The following VPS13A variants were observed in gnomAD, a reference collection of about 807,000 sequenced individuals.
VPS13A encodes intermembrane lipid transfer protein VPS13A.
Under a neutral mutation model 390.9 loss-of-function variants are expected in VPS13A, and 264 were observed. The ratio of observed to expected loss-of-function variants is 0.68; its 90% CI spans 0.61 to 0.75. VPS13A has a LOEUF of 0.75. Among genes scored for constraint, VPS13A ranks in the 30% least tolerant of loss-of-function variants. The probability of loss-of-function intolerance (pLI) is 0.00; values close to 1 mark genes in which losing one functional copy is unlikely to be tolerated. For synonymous variants in VPS13A, 1,231 were observed against 1,227.1 expected (o/e 1.00, Z -0.07); for missense variants, 3,409 against 3,733.9 (o/e 0.91, Z 2.27).
At chr9:77,320,795 T>C (rs1353717904) in intron 42 of VPS13A, among the ~76,000 whole-genome samples, 1 of 152,088 alleles carries the variant, frequency 6.6e-6, no homozygotes, top group African/African-American at 2.4e-5. Flanking sequence ...AGTCTCTAGG[T>C]TTCTGTTCTT....
At position 77,337,252 on chromosome 9, in the gene VPS13A, CAGATCATTCATTTTTCTGAAGCCAGA is replaced by C. The variant is rs1174858706; in HGVS notation, c.6098_6123del (p.Ser2033Ter). 6.2e-7 allele frequency: 1 copy of C among 1,609,636 alleles called. No individual in the cohort carries two copies. Among genetic ancestry groups the C allele is most frequent in the Non-Finnish European group, 8.5e-7 (1 of 1,178,976 alleles). On this transcript the variant is annotated splice_acceptor_variant and coding_sequence_variant, in exon 47 of 72. Coordinates refer to ENST00000360280, the MANE Select transcript of VPS13A (RefSeq NM_033305.3). LOFTEE classifies it high-confidence loss of function. ...TTAAACTGTATCATTTAATCTCATGCAGATCATTCATTTTTCTGAAGCCAGAAGATGAGAACTATCAAATGTGTGAA... is the reference window on the plus strand; with the variant it reads ...TTAAACTGTATCATTTAATCTCATGCAGATGAGAACTATCAAATGTGTGAA...
chr9:77,240,911 G>GT (rs563721769), intron 19 of VPS13A, among the ~76,000 whole-genome samples: 79 of 151,002 alleles, frequency 5.2e-4, no homozygotes, highest in Middle Eastern at 3.4e-3. Context: ...TGTGTCTGCT[G>GT]TTTTTTTTTG....
At chr9:77,266,670 T>C (rs925003691) in intron 23 of VPS13A, among the ~76,000 whole-genome samples, 1 of 152,160 alleles carries the variant, frequency 6.6e-6, no homozygotes, top group Non-Finnish European at 1.5e-5. Context: ...AATGTCTTAG[T>C]AGTGTTCTCT....
intron 52 of VPS13A, among the ~76,000 whole-genome samples, chr9:77,349,062 C>T (rs532116707): frequency 5.9e-5 from 9 of 151,412 alleles, no homozygotes; most frequent in Non-Finnish European, 1.3e-4. Flanking sequence ...GATGTTATTT[C>T]CTGCATATAA....
chr9:77,339,489 G>GTTTTTTTTTTT (rs765264048), intron 47 of VPS13A, 27 bp from the exon 48 acceptor site: 9 of 1,122,346 alleles, frequency 8.0e-6, no homozygotes, highest in Admixed American at 5.8e-5. Context: ...TTTAAATTTT[G>GTTTTTTTTTTT]TTTTGTTTTT....
At position 77,340,185 on chromosome 9, in the gene VPS13A, T is replaced by A; in HGVS notation, c.6782T>A (p.Leu2261His). The change falls in exon 49 of 72, where the codon CTT becomes CAT. Residue 2261 changes from leucine to histidine, a missense_variant. Physicochemically the swap from Leu to His is moderately conservative, Grantham distance 99 (BLOSUM62 -3). Coordinates refer to ENST00000360280, the MANE Select transcript of VPS13A (RefSeq NM_033305.3). ...NHFFNNNKVQ[L>H]MVTDSELSNQ... ...GGAATATTTTTTTCCTAGGTTCAAC[T>A]TATGGTAACTGATAGTGAGTTGTCC... is the stretch of plus-strand genomic sequence containing the variant. 1 of 1,613,098 alleles carries A rather than the reference T, an allele frequency of 6.2e-7. No individual in the cohort carries two copies. The highest frequency in any genetic ancestry group is 1.1e-5 in the South Asian group (1 of 91,024).
At position 77,370,302 on chromosome 9, in the gene VPS13A, G is replaced by A; in HGVS notation, c.8713G>A (p.Gly2905Arg). Residue 2905 changes from glycine (G) to arginine (R), a missense_variant, in exon 64 of 72, where the codon GGA becomes AGA. Gly to Arg is a moderately radical substitution (Grantham distance 125). Around this residue, in one of 5 missense-constraint regions of VPS13A, gnomAD observed 318 missense variants for 333.7 expected, o/e 0.95. Coordinates refer to ENST00000360280, the MANE Select transcript of VPS13A (RefSeq NM_033305.3). Reference sequence around the variant, plus strand: ...AGAGTTTGTGGAAGGAATGGCACTAGGACTTAAGGCACTAGTTGGTGGAGC... The same window carrying A: ...AGAGTTTGTGGAAGGAATGGCACTAAGACTTAAGGCACTAGTTGGTGGAGC... Reference protein sequence around the residue: ...PEEFVEGMALGLKALVGGAVG... With the variant: ...PEEFVEGMALRLKALVGGAVG... 1 of 1,614,138 alleles carries A rather than the reference G, an allele frequency of 6.2e-7. No homozygotes were observed. The highest frequency in any genetic ancestry group is 1.1e-5 in the South Asian group (1 of 91,076).
At chr9:77,216,614 C>T (rs1240992309) in intron 10 of VPS13A, among the ~76,000 whole-genome samples, 1 of 152,144 alleles carries the variant, frequency 6.6e-6, no homozygotes, top group Non-Finnish European at 1.5e-5. Flanking sequence ...TGTAAATTCT[C>T]TTCTGAGCTC....
intron 68 of VPS13A, chr9:77,382,569 G>T (rs141511520): frequency 6.2e-6 from 7 of 1,130,698 alleles, no homozygotes; most frequent in Middle Eastern, 3.8e-4. Context: ...CTGTTGTGGG[G>T]TTATTAAACC....
At chr9:77,415,546 AAATGCTCAAG>A (rs1334473382) in intron 71 of VPS13A, among the ~76,000 whole-genome samples, 1 of 152,204 alleles carries the variant, frequency 6.6e-6, no homozygotes, top group Non-Finnish European at 1.5e-5. Context: ...AGAGCACCTA[AAATGCTCAAG>A]AATGTTGCTT....
Position 77,405,850 on chromosome 9 carries a change from T to TTTTC in VPS13A, c.9276-10_9276-7dup. 1 of 1,612,846 alleles carries TTTTC rather than the reference T, an allele frequency of 6.2e-7. No individual in the cohort carries two copies. The highest frequency in any genetic ancestry group is 8.5e-7 in the Non-Finnish European group (1 of 1,179,910). ...ATTTTAAAGCGAATTCTTTTTTTGT[T>TTTTC]TTTCTTTTTGCAGTGGTGTATTGTT... On this transcript the variant is annotated splice_polypyrimidine_tract_variant and intron_variant, in intron 69 of 71. Transcript: ENST00000360280.
At chr9:77,308,651 T>C (rs1020161687) in intron 35 of VPS13A, among the ~76,000 whole-genome samples, 1 of 152,152 alleles carries the variant, frequency 6.6e-6, no homozygotes, top group African/African-American at 2.4e-5. Context: ...TTGGATCCAG[T>C]GTGCTCTGTG....
chr9:77,314,120 G>A lies in VPS13A; in HGVS notation c.4242+1G>A. Reference sequence around the variant, plus strand: ...GCTGTATAGTCCAGGTCCTAAACAGGTAAGTCCAGGAAGAAAAGAAAATGT... The same window carrying A: ...GCTGTATAGTCCAGGTCCTAAACAGATAAGTCCAGGAAGAAAAGAAAATGT... On this transcript the variant is annotated splice_donor_variant, in intron 36 of 71. Transcript: ENST00000360280. LOFTEE classifies it high-confidence loss of function. The A allele has an allele frequency of 1.2e-6, 2 of 1,612,840 alleles. No individual in the cohort carries two copies. Among genetic ancestry groups the A allele is most frequent in the South Asian group, 1.1e-5 (1 of 90,936 alleles).
intron 19 of VPS13A, among the ~76,000 whole-genome samples, chr9:77,241,235 A>G (rs1473289753): frequency 6.6e-6 from 1 of 152,040 alleles, no homozygotes; most frequent in Non-Finnish European, 1.5e-5. Flanking sequence ...TCTGTGTTAC[A>G]TGCTGGGTAA....
intron 17 of VPS13A, among the ~76,000 whole-genome samples, chr9:77,230,663 A>C (rs1388479836): frequency 1.3e-5 from 2 of 151,824 alleles, no homozygotes; most frequent in African/African-American, 4.8e-5. Flanking sequence ...AGGAAGTATG[A>C]CTCTTCCAGT....
chr9:77,314,638 A>G lies in VPS13A; in HGVS notation c.4386A>G (p.Arg1462=), dbSNP rs1829282039. The G allele has an allele frequency of 2.5e-6, 4 of 1,612,568 alleles. No homozygotes were observed. Among genetic ancestry groups the G allele is most frequent in the Non-Finnish European group, 2.5e-6 (3 of 1,179,110 alleles). ...AAAACTGTATTTTAGATGATAAAAG[A>G]CCTCATGTCAAGAAAGCAACTCCTC... is the stretch of plus-strand genomic sequence containing the variant. The part of the protein sequence containing the change: ...SLKNCILDDK[R]PHVKKATPRM... The change falls in exon 37 of 72, where the codon AGA becomes AGG. Residue 1462 remains arginine, a synonymous_variant. Transcript: ENST00000360280.
In VPS13A at chr9:77,260,351, CT is replaced by C. The variant is rs750675055; in HGVS notation, c.2427+150del. On this transcript the variant is annotated intron_variant, in intron 23 of 71. Coordinates refer to ENST00000360280, the MANE Select transcript of VPS13A (RefSeq NM_033305.3). The stretch of plus-strand genomic sequence containing the variant: ...TTTTGAATAGACATTAAGAAAATTA[CT>C]TTTTTTTTTTTTTTTTTTTTTTGAG... 57,371 of 369,026 alleles carry C rather than the reference CT, an allele frequency of 0.16. 63 individuals are homozygous for C. Among genetic ancestry groups the C allele is most frequent in the South Asian group, 0.19 (7,367 of 38,306 alleles). The allele number at this position is 369,026 out of a possible 1,614,324, so 22.9% of individuals were successfully genotyped here.
intron 10 of VPS13A, among the ~76,000 whole-genome samples, chr9:77,219,378 G>T (rs949228626): frequency 3.9e-5 from 6 of 151,996 alleles, no homozygotes; most frequent in Admixed American, 2.0e-4. Context: ...GCTATTACTG[G>T]TCTTCCTCTG....
rs148363652 is a variant in VPS13A at position 77,284,919 on chromosome 9, C to T, written c.3339+1269C>T. ...GGGTTTCACTGTGTTTGGCCAGGCT[C>T]ATCTCAAACTCCTGGCCTCAAGTGG... On this transcript the variant is annotated intron_variant, in intron 31 of 71. Transcript: ENST00000360280. Among the ~76,000 whole-genome samples the T allele has an allele frequency of 5.8e-3, 888 of 151,954 alleles. 4 individuals carry two copies. The highest frequency in any genetic ancestry group is 0.01 in the South Asian group (49 of 4,810).
Sources: allele counts gnomAD v4.1 joint callset (sites outside exome capture counted in the v4.1 genomes callset), GRCh38; gene constraint gnomAD v4.1.1; regional missense constraint gnomAD v4.1.1; transcripts MANE v1.5; gene names NCBI Gene and HGNC (gene_info 2026-07-23, HGNC 2026-07-21).